RAF1: variants seen among roughly 807,000 people sequenced by gnomAD.
RAF1 encodes the protein Raf-1 proto-oncogene, serine/threonine kinase.
RAF1 carries 27 observed loss-of-function variants against 81.1 expected under a neutral mutation model. The observed-to-expected ratio is 0.33, with a 90% CI of 0.25 to 0.46. The LOEUF is 0.46. Ranked by LOEUF, RAF1 falls within the 20% of genes least tolerant of loss-of-function variation. The pLI, the probability that RAF1 is intolerant of heterozygous loss-of-function variation, is 1.00. For missense variants in RAF1, 598 were observed against 826.0 expected, an observed-to-expected ratio of 0.72 and a Z score of 3.38; for synonymous variants, 298 against 294.0, an observed-to-expected ratio of 1.01 and a Z score of -0.14.
intron 1 of RAF1, among the ~76,000 whole-genome samples, chr3:12,624,680 A>T (rs1365250885): frequency 6.6e-6 from 1 of 152,170 alleles, no homozygotes; most frequent in African/African-American, 2.4e-5. Flanking sequence ...GAAATTTGTC[A>T]TGTTGGAAAA....
In RAF1 at chr3:12,618,638, G is replaced by T. The variant is rs2059451026; in HGVS notation, c.84C>A (p.Ile28=). ...CAAACTGCTGAACTATTGTAGGAGA[G>T]ATGCAGCTGGAGCCATCAAACACGG... is the stretch of plus-strand genomic sequence containing the variant. The change falls in exon 2 of 18, where the codon ATC becomes ATA. Residue 28 remains isoleucine, a synonymous_variant. Coordinates refer to ENST00000442415, the MANE Select transcript of RAF1 (RefSeq NM_001354689.3). 1 of 1,614,210 alleles carries T rather than the reference G, an allele frequency of 6.2e-7. No individual in the cohort carries two copies. The highest frequency in any genetic ancestry group is 8.5e-7 in the Non-Finnish European group (1 of 1,180,038).
At chr3:12,633,102 GT>G (rs1227298512) in intron 1 of RAF1, among the ~76,000 whole-genome samples, 2 of 152,008 alleles carry the variant, frequency 1.3e-5, no homozygotes, top group Non-Finnish European at 2.9e-5. Flanking sequence ...ATTCCAATTT[GT>G]TTTTAATCTT....
chr3:12,588,891 C>T (rs1409405483), intron 13 of RAF1: 1 of 152,196 alleles, frequency 6.6e-6, no homozygotes, highest in Non-Finnish European at 1.5e-5. Context: ...TCACAAACGG[C>T]TCGGTGGCCT....
chr3:12,647,767 C>T (rs1363276819), intron 1 of RAF1, among the ~76,000 whole-genome samples: 1 of 151,866 alleles, frequency 6.6e-6, no homozygotes, highest in African/African-American at 2.4e-5. Context: ...GTGTACGTGT[C>T]AATATTTTTC....
intron 8 of RAF1, among the ~76,000 whole-genome samples, chr3:12,601,869 G>A (rs546496955): frequency 6.6e-6 from 1 of 152,272 alleles, no homozygotes; most frequent in Admixed American, 6.5e-5. Context: ...GACTGAGCAT[G>A]TTTTGGAGGG....
At chr3:12,628,752 G>GT (rs1491094168) in intron 1 of RAF1, among the ~76,000 whole-genome samples, 1 of 13,240 alleles carries the variant, frequency 7.6e-5, no homozygotes, top group South Asian at 7.8e-3. Context: ...GACTATTTTT[G>GT]GGGGGGGGGG....
At chr3:12,596,728 A>G (rs2058697935) in intron 11 of RAF1, among the ~76,000 whole-genome samples, 1 of 152,194 alleles carries the variant, frequency 6.6e-6, no homozygotes. Flanking sequence ...TACAGGAACC[A>G]GAATATGGCG....
intron 1 of RAF1, among the ~76,000 whole-genome samples, chr3:12,620,913 ATTCAGAGTTCAGAGTTCAGTT>A (rs2059538899): frequency 1.3e-5 from 2 of 151,488 alleles, no homozygotes; most frequent in Admixed American, 1.3e-4. Flanking sequence ...AGTTCAGTTC[ATTCAGAGTTCAGAGTTCAGTT>A]CATTCAGAGT....
At chr3:12,642,719 C>CACACACACACACAA (rs1491570753) in intron 1 of RAF1, among the ~76,000 whole-genome samples, 407 of 141,448 alleles carry the variant, frequency 2.9e-3, no homozygotes, top group Admixed American at 4.3e-3. Flanking sequence ...CACACACACA[C>CACACACACACACAA]AAAATAGCTG....
intron 10 of RAF1, 52 bp downstream of exon 9, chr3:12,600,100 G>C (rs1325904452): frequency 1.2e-6 from 2 of 1,611,414 alleles, no homozygotes; most frequent in Non-Finnish European, 8.5e-7. Context: ...TTTCCAACGA[G>C]GTTTTTCTTA....
chr3:12,645,604 A>G (rs1458675839), intron 1 of RAF1, among the ~76,000 whole-genome samples: 1 of 152,168 alleles, frequency 6.6e-6, no homozygotes, highest in Non-Finnish European at 1.5e-5. Flanking sequence ...CCTAGGACTT[A>G]ATTTTTGGAA....
chr3:12,656,724 C>A (rs2060705295), intron 1 of RAF1, among the ~76,000 whole-genome samples: 1 of 152,130 alleles, frequency 6.6e-6, no homozygotes, highest in Admixed American at 6.6e-5. Context: ...TTGGCCACTG[C>A]GGTGGCTCAC....
chr3:12,655,472 G>A (rs997970801), intron 1 of RAF1, among the ~76,000 whole-genome samples: 3 of 152,190 alleles, frequency 2.0e-5, no homozygotes, highest in Non-Finnish European at 4.4e-5. Flanking sequence ...TGCTTTGCTG[G>A]TGGGAAATGT....
At chr3:12,662,595 C>A (rs999761778) in intron 1 of RAF1, among the ~76,000 whole-genome samples, 1 of 151,908 alleles carries the variant, frequency 6.6e-6, no homozygotes, top group African/African-American at 2.4e-5. Context: ...TTACTCTCAT[C>A]TCTCACCATT....
intron 1 of RAF1, among the ~76,000 whole-genome samples, chr3:12,656,417 G>A (rs1369053282): frequency 6.6e-6 from 1 of 152,066 alleles, no homozygotes; most frequent in Admixed American, 6.6e-5. Flanking sequence ...CCCAATAGAG[G>A]GAGAAGCTTA....
chr3:12,585,388 A>G (rs2058299116), intron 15 of RAF1, 135 bp from the exon 15 acceptor site: 1 of 1,539,512 alleles, frequency 6.5e-7, no homozygotes, highest in Non-Finnish European at 8.7e-7. Flanking sequence ...TTTTCCCCCA[A>G]AGGACTCCAA....
chr3:12,647,936 T>A (rs2060406108), intron 1 of RAF1, among the ~76,000 whole-genome samples: 2 of 152,182 alleles, frequency 1.3e-5, no homozygotes, highest in South Asian at 4.1e-4. Context: ...ATTTTAAAAG[T>A]GTAACTTTAA....
chr3:12,645,501 G>C (rs2060318904), intron 1 of RAF1, among the ~76,000 whole-genome samples: 1 of 152,084 alleles, frequency 6.6e-6, no homozygotes, highest in Non-Finnish European at 1.5e-5. Flanking sequence ...GATTTGAATG[G>C]TACAATGGGA....
rs762478810 is a variant in RAF1 at position 12,618,629 on chromosome 3, T to C, written c.93A>G (p.Thr31=). Residue 31 remains threonine, a synonymous_variant, in exon 2 of 18, where the codon ACA becomes ACG. Coordinates refer to ENST00000442415, the MANE Select transcript of RAF1 (RefSeq NM_001354689.3). ...GCTGATAGCCAAACTGCTGAACTAT[T>C]GTAGGAGAGATGCAGCTGGAGCCAT... 1.7e-5 allele frequency: 27 copies of C among 1,614,116 alleles called. No homozygotes were observed. Among genetic ancestry groups the C allele is most frequent in the South Asian group, 1.1e-4 (10 of 91,090 alleles).
Sources: gnomAD v4.1 joint callset for allele counts (sites outside exome capture counted in the v4.1 genomes callset) on GRCh38, gnomAD v4.1.1 for gene constraint, MANE v1.5 for transcripts, NCBI Gene and HGNC (gene_info 2026-07-23, HGNC 2026-07-21) for gene names.